NLGN1: variants seen among roughly 807,000 people sequenced by gnomAD.
The protein encoded by NLGN1 is neuroligin 1, also known as neuroligin-1.
In NLGN1, 12 loss-of-function variants were observed where a neutral mutation model predicts 65.5. The ratio of observed to expected loss-of-function variants is 0.18; its 90% confidence interval spans 0.12 to 0.30. The LOEUF (loss-of-function observed/expected upper bound fraction) is 0.30. Among genes scored for constraint, NLGN1 ranks in the 10% least tolerant of loss-of-function variants. The pLI is 1.00. For synonymous variants in NLGN1, 350 were observed against 359.5 expected, an observed-to-expected ratio of 0.97 and a Z score of 0.30; for missense variants, 750 against 1,007.1, an observed-to-expected ratio of 0.74 and a Z score of 3.46.
chr3:174,181,976 CAAAAA>C (rs551914698), intron 4 of NLGN1, among the ~76,000 whole-genome samples: 2 of 44,392 alleles, frequency 4.5e-5, no homozygotes, highest in Admixed American at 2.9e-4. Flanking sequence ...GACTTGGTGT[CAAAAA>C]AAAAAAAAAA....
At chr3:173,692,533 T>C (rs1502461) in intron 3 of NLGN1, among the ~76,000 whole-genome samples, 21,987 of 152,098 alleles carry the variant, frequency 0.14, 1,703 homozygotes, top group Middle Eastern at 0.33. Flanking sequence ...TACATTTTTC[T>C]AAAGTACAGA....
chr3:174,076,248 A>G (rs569648258), intron 4 of NLGN1, among the ~76,000 whole-genome samples: 3 of 152,266 alleles, frequency 2.0e-5, no homozygotes, highest in East Asian at 1.9e-4. Flanking sequence ...ATTTCTTTAC[A>G]TATATGTATA....
intron 4 of NLGN1, among the ~76,000 whole-genome samples, chr3:174,269,314 C>G (rs13314888): frequency 6.6e-6 from 1 of 151,956 alleles, no homozygotes; most frequent in African/African-American, 2.4e-5. Flanking sequence ...AAACTCTATA[C>G]TCATTAAATA....
intron 3 of NLGN1, among the ~76,000 whole-genome samples, chr3:173,683,879 G>A (rs1764318377): frequency 6.6e-6 from 1 of 151,970 alleles, no homozygotes; most frequent in Non-Finnish European, 1.5e-5. Flanking sequence ...AAAAACAGAG[G>A]GTGAGGCCAA....
At chr3:173,951,694 C>A (rs1201517326) in intron 4 of NLGN1, among the ~76,000 whole-genome samples, 1 of 151,878 alleles carries the variant, frequency 6.6e-6, no homozygotes, top group African/African-American at 2.4e-5. Context: ...AACTCCTGAC[C>A]TCGTGTTCTG....
intron 2 of NLGN1, among the ~76,000 whole-genome samples, chr3:173,494,608 T>G (rs983738784): frequency 4.6e-5 from 7 of 151,796 alleles, no homozygotes; most frequent in African/African-American, 1.7e-4. Context: ...TAAGAAACTT[T>G]GACTAACATC....
At chr3:173,505,306 A>G (rs1395982030) in intron 2 of NLGN1, among the ~76,000 whole-genome samples, 3 of 152,104 alleles carry the variant, frequency 2.0e-5, no homozygotes, top group African/African-American at 7.2e-5. Flanking sequence ...GGCTTACAGC[A>G]TTGGCAGATT....
At chr3:173,961,747 C>T (rs556128439) in intron 4 of NLGN1, among the ~76,000 whole-genome samples, 1 of 152,100 alleles carries the variant, frequency 6.6e-6, no homozygotes, top group East Asian at 1.9e-4. Flanking sequence ...AGGATTCAAG[C>T]TTCTAATGAT....
At chr3:174,069,569 A>T (rs1328092738) in intron 4 of NLGN1, among the ~76,000 whole-genome samples, 1 of 152,160 alleles carries the variant, frequency 6.6e-6, no homozygotes, top group African/African-American at 2.4e-5. Flanking sequence ...TTCAAAGCAA[A>T]TGAACACTTT....
chr3:173,952,570 G>A (rs188561594), intron 4 of NLGN1, among the ~76,000 whole-genome samples: 202 of 152,150 alleles, frequency 1.3e-3, no homozygotes, highest in African/African-American at 4.6e-3. Flanking sequence ...CTGTACTTTG[G>A]TTATTTCATC....
intron 1 of NLGN1, among the ~76,000 whole-genome samples, chr3:173,434,156 T>C (rs1258275622): frequency 6.6e-6 from 1 of 152,196 alleles, no homozygotes; most frequent in African/African-American, 2.4e-5. Context: ...ATTACAACTA[T>C]GTGTTATAGT....
chr3:173,707,925 T>C (rs1040188554), intron 3 of NLGN1, among the ~76,000 whole-genome samples: 1 of 152,238 alleles, frequency 6.6e-6, no homozygotes, highest in Admixed American at 6.5e-5. Context: ...CCCTTGCAAT[T>C]AAATTTTGTA....
chr3:173,599,928 T>C (rs1445965279), intron 2 of NLGN1, among the ~76,000 whole-genome samples: 3 of 152,126 alleles, frequency 2.0e-5, no homozygotes, highest in Non-Finnish European at 2.9e-5. Context: ...TTGTTTCTAC[T>C]TTATGAACAC....
intron 3 of NLGN1, among the ~76,000 whole-genome samples, chr3:173,771,409 A>C (rs1333916757): frequency 6.6e-6 from 1 of 152,194 alleles, no homozygotes; most frequent in Non-Finnish European, 1.5e-5. Flanking sequence ...AGATGTGATG[A>C]TTAGGGTATT....
At chr3:173,739,049 A>ATTT (rs1196317544) in intron 3 of NLGN1, among the ~76,000 whole-genome samples, 1 of 151,986 alleles carries the variant, frequency 6.6e-6, no homozygotes, top group African/African-American at 2.4e-5. Context: ...GTTGTCTAGG[A>ATTT]TTTCATCAGG....
chr3:173,605,569 G>A (rs553692559), intron 3 of NLGN1: 214 of 1,286,446 alleles, frequency 1.7e-4, no homozygotes, highest in Middle Eastern at 6.4e-4. Flanking sequence ...CAGAAAGCCC[G>A]GCAAGAAAAT....
rs188969610 is a variant in NLGN1 at position 174,198,248 on chromosome 3, G to A, written c.647-77067G>A. ...TCAGATACTCTGTGGCATGCTTTAC[G>A]TGCAGTTTTATTTTACTAAAGCAGA... On this transcript the variant is annotated intron_variant, in intron 4 of 6. Transcript: ENST00000457714. 1.2e-3 allele frequency among the ~76,000 whole-genome samples: 182 copies of A among 152,234 alleles called. 1 individual carries two copies. Among genetic ancestry groups the A allele is most frequent in the African/African-American group, 4.0e-3 (168 of 41,538 alleles).
Position 174,245,437 on chromosome 3 carries a change from C to T in NLGN1, c.647-29878C>T, listed in dbSNP as rs79143823. ...AAAAACTATTGGAAAAATATTTTAC[C>T]GATAGCTATTTAACATTAATAAGTA... On this transcript the variant is annotated intron_variant, in intron 4 of 6. Transcript: ENST00000457714. 1.8e-3 allele frequency among the ~76,000 whole-genome samples: 281 copies of T among 152,146 alleles called. 3 individuals carry two copies. In the East Asian group the frequency reaches 0.047, roughly 26 times the overall value.
intron 2 of NLGN1, among the ~76,000 whole-genome samples, chr3:173,560,172 C>T (rs1421966852): frequency 3.3e-5 from 5 of 152,036 alleles, no homozygotes; most frequent in Admixed American, 3.3e-4. Flanking sequence ...ACCTCGTGAT[C>T]CGCCCGCCTC....
Sources: allele counts gnomAD v4.1 joint callset (sites outside exome capture counted in the v4.1 genomes callset), GRCh38; gene constraint gnomAD v4.1.1; transcripts MANE v1.5; gene names NCBI Gene and HGNC (gene_info 2026-07-23, HGNC 2026-07-21).